Variants in CALN1 observed in about 807,000 individuals in gnomAD.
CALN1 encodes the protein calcium-binding protein 8.
A neutral mutation model predicts 30.6 loss-of-function variants in CALN1; 17 were observed. That is an observed-to-expected ratio of 0.56 (90% CI 0.38 to 0.83). The LOEUF (loss-of-function observed/expected upper bound fraction) is 0.83. Among genes scored for constraint, CALN1 ranks in the 40% least tolerant of loss-of-function variants. CALN1 has a pLI of 0.00. For synonymous variants in CALN1, 156 were observed against 131.4 expected (o/e 1.19, Z -1.28); for missense variants, 291 against 354.9 (o/e 0.82, Z 1.45).
intron 4 of CALN1, among the ~76,000 whole-genome samples, chr7:72,080,086 T>G (rs1805029431): frequency 6.6e-6 from 1 of 152,182 alleles, no homozygotes; most frequent in Non-Finnish European, 1.5e-5. Context: ...GGTTGCCTTT[T>G]GACATCAGTG....
chr7:72,464,902 C>G, the CALN1 span, among the ~76,000 whole-genome samples: 1 of 152,196 alleles, frequency 6.6e-6, no homozygotes, highest in African/African-American at 2.4e-5. Context: ...ATCTCCCAGA[C>G]AGAAATCAGA....
intron 5 of CALN1, among the ~76,000 whole-genome samples, chr7:72,019,334 C>T (rs1800577557): frequency 6.6e-6 from 1 of 152,084 alleles, no homozygotes; most frequent in African/African-American, 2.4e-5. Flanking sequence ...AGAATCTTTA[C>T]CCTTTATGGT....
rs1001826008 is a variant in CALN1 at position 71,781,067 on chromosome 7, G to C, written c.*6708C>G. 7.2e-5 allele frequency: 11 copies of C among 152,342 alleles called. No individual in the cohort carries two copies. The highest frequency in any genetic ancestry group is 3.4e-3 in the Middle Eastern group (1 of 294). The allele number at this position is 152,342 out of a possible 1,614,324, so 9.4% of individuals were successfully genotyped here. A position where few individuals can be genotyped will look rare whatever the true frequency, so the allele number is the denominator to read the frequency against. On this transcript the variant is annotated 3_prime_UTR_variant, in exon 7 of 7. Transcript: ENST00000395275. Reference sequence around the variant, plus strand: ...TTATCACAACTGCCTCTTGGGACTTGTGTTCAAAAAGGAGCTCCCAGTTCC... The same window carrying C: ...TTATCACAACTGCCTCTTGGGACTTCTGTTCAAAAAGGAGCTCCCAGTTCC...
chr7:72,364,731 CTTGAT>C (rs1218475873), intron 2 of CALN1, among the ~76,000 whole-genome samples: 1 of 152,180 alleles, frequency 6.6e-6, no homozygotes, highest in Admixed American at 6.6e-5. Flanking sequence ...TGTTAATTAG[CTTGAT>C]TTAATCATCC....
At chr7:71,936,589 CAA>C (rs1795849300) in intron 5 of CALN1, among the ~76,000 whole-genome samples, 1 of 152,058 alleles carries the variant, frequency 6.6e-6, no homozygotes, top group Admixed American at 6.6e-5. Context: ...GGGGCTGCAG[CAA>C]AGGCTGGAAG....
chr7:72,038,233 GT>G (rs1455240543), intron 4 of CALN1, among the ~76,000 whole-genome samples: 1 of 152,102 alleles, frequency 6.6e-6, no homozygotes, highest in Non-Finnish European at 1.5e-5. Context: ...CAAGTACAGT[GT>G]TGTAGGTGGG....
chr7:72,367,257 C>A (rs1803934383), intron 2 of CALN1, among the ~76,000 whole-genome samples: 1 of 152,086 alleles, frequency 6.6e-6, no homozygotes, highest in Non-Finnish European at 1.5e-5. Context: ...GAGGCTGAGG[C>A]AGGAGGACTG....
intron 5 of CALN1, among the ~76,000 whole-genome samples, chr7:71,962,574 A>G (rs894070832): frequency 6.6e-6 from 1 of 152,208 alleles, no homozygotes; most frequent in Admixed American, 6.5e-5. Flanking sequence ...CCTCATCTCA[A>G]CCTTTCACAC....
chr7:72,211,693 T>C (rs1427571000), intron 3 of CALN1, among the ~76,000 whole-genome samples: 2 of 152,236 alleles, frequency 1.3e-5, no homozygotes, highest in East Asian at 1.9e-4. Context: ...CTTGTTCCTA[T>C]TGACGGTCCC....
chr7:72,223,189 AGAG>A (rs1228749523), intron 3 of CALN1, among the ~76,000 whole-genome samples: 2 of 152,174 alleles, frequency 1.3e-5, no homozygotes, highest in Admixed American at 1.3e-4. Flanking sequence ...GCGGTCAGGC[AGAG>A]GAGAAGAGGG....
intron 3 of CALN1, among the ~76,000 whole-genome samples, chr7:72,217,387 C>A (rs1188819378): frequency 1.3e-5 from 2 of 152,150 alleles, no homozygotes; most frequent in Non-Finnish European, 2.9e-5. Flanking sequence ...CAGCCCCAAA[C>A]ATGATTATAG....
intron 4 of CALN1, among the ~76,000 whole-genome samples, chr7:72,072,138 A>G (rs1033796732): frequency 6.6e-6 from 1 of 152,198 alleles, no homozygotes; most frequent in Non-Finnish European, 1.5e-5. Context: ...CCCCAATCTG[A>G]TGAAAGATAT....
chr7:72,076,070 G>A (rs1032063546), intron 4 of CALN1, among the ~76,000 whole-genome samples: 1 of 152,114 alleles, frequency 6.6e-6, no homozygotes, highest in East Asian at 1.9e-4. Flanking sequence ...CTCTGTCCTA[G>A]GCTAATAGAG....
chr7:72,406,567 G>T (rs1306542114), intron 1 of CALN1, among the ~76,000 whole-genome samples: 1 of 151,566 alleles, frequency 6.6e-6, no homozygotes, highest in East Asian at 1.9e-4. Flanking sequence ...CAGTCTTGAA[G>T]TTAGATCTCT....
At chr7:72,229,502 A>G (rs1441814617) in intron 3 of CALN1, among the ~76,000 whole-genome samples, 3 of 152,066 alleles carry the variant, frequency 2.0e-5, no homozygotes, top group Non-Finnish European at 4.4e-5. Context: ...CTGCAGCACT[A>G]TTTACAATGG....
chr7:71,949,376 C>T (rs1047054775), intron 5 of CALN1, among the ~76,000 whole-genome samples: 2 of 151,938 alleles, frequency 1.3e-5, no homozygotes, highest in Non-Finnish European at 2.9e-5. Context: ...ATGGAAACCT[C>T]GAGAGGGTTT....
intron 5 of CALN1, among the ~76,000 whole-genome samples, chr7:71,851,208 A>AACACACAC (rs56041427): frequency 0.071 from 9,361 of 132,046 alleles, 405 homozygotes; most frequent in Middle Eastern, 0.094. Context: ...CCTTGTCTCA[A>AACACACAC]ACACACACAC....
intron 5 of CALN1, among the ~76,000 whole-genome samples, chr7:71,827,677 CAGG>C (rs1269100404): frequency 3.3e-5 from 5 of 151,866 alleles, no homozygotes; most frequent in Non-Finnish European, 5.9e-5. Context: ...GAGGCTGAGG[CAGG>C]AGAATTGCTT....
At chr7:72,456,196 AAG>A in the CALN1 span, among the ~76,000 whole-genome samples, 2 of 150,018 alleles carry the variant, frequency 1.3e-5, no homozygotes, top group African/African-American at 2.5e-5. Flanking sequence ...AAAAAAAAAA[AAG>A]AGAGAGAGAG....
Sources: allele counts gnomAD v4.1 joint callset (sites outside exome capture counted in the v4.1 genomes callset), GRCh38; gene constraint gnomAD v4.1.1; transcripts MANE v1.5; gene names NCBI Gene and HGNC (gene_info 2026-07-23, HGNC 2026-07-21).